SLC2A13: variants seen among roughly 807,000 people sequenced by gnomAD.
SLC2A13 encodes solute carrier family 2 member 13.
Under a neutral mutation model 64.4 loss-of-function variants are expected in SLC2A13, and 32 were observed. The observed-to-expected ratio is 0.50, with a 90% CI of 0.37 to 0.67. The LOEUF is 0.67. Ranked by LOEUF, SLC2A13 falls within the 30% of genes least tolerant of loss-of-function variation. The probability of loss-of-function intolerance (pLI) is 0.00; values close to 1 mark genes in which losing one functional copy is unlikely to be tolerated. For missense variants in SLC2A13, 743 were observed against 829.2 expected (o/e 0.90, Z 1.28); for synonymous variants, 338 against 327.1 (o/e 1.03, Z -0.36).
intron 1 of SLC2A13, among the ~76,000 whole-genome samples, chr12:40,058,462 G>GT (rs1028948844): frequency 1.3e-5 from 2 of 151,992 alleles, no homozygotes; most frequent in Admixed American, 1.3e-4. Flanking sequence ...CAAAAAGTCT[G>GT]TTTTTTGGAG....
At position 39,927,861 on chromosome 12, in the gene SLC2A13, G is replaced by A. The variant is rs551064188; in HGVS notation, c.1034+23396C>T. Reference sequence around the variant, plus strand: ...ATATCAACACTTATTGAGCTCCTGTGGAAGGAAAGCATTTAAGATAAATGG... The same window carrying A: ...ATATCAACACTTATTGAGCTCCTGTAGAAGGAAAGCATTTAAGATAAATGG... On this transcript the variant is annotated intron_variant, in intron 4 of 9. Coordinates refer to ENST00000280871, the MANE Select transcript of SLC2A13 (RefSeq NM_052885.4). Among the ~76,000 whole-genome samples, 4 of 152,146 alleles carry A rather than the reference G, an allele frequency of 2.6e-5. No homozygotes were observed. In the East Asian group the frequency reaches 7.7e-4, roughly 29 times the overall value.
intron 7 of SLC2A13, among the ~76,000 whole-genome samples, chr12:39,777,264 T>C (rs1940810415): frequency 6.6e-6 from 1 of 152,160 alleles, no homozygotes; most frequent in African/African-American, 2.4e-5. Context: ...GGCAGGGAAA[T>C]AGTCAATTGA....
At chr12:39,883,521 G>C (rs560560801) in intron 4 of SLC2A13, among the ~76,000 whole-genome samples, 17 of 152,258 alleles carry the variant, frequency 1.1e-4, no homozygotes, top group Non-Finnish European at 1.2e-4. Context: ...ACGGAAAAAG[G>C]TGACAGTTTA....
chr12:40,103,214 C>T (rs1183782878), intron 1 of SLC2A13, among the ~76,000 whole-genome samples: 3 of 152,326 alleles, frequency 2.0e-5, no homozygotes, highest in East Asian at 1.9e-4. Context: ...TTGCTGCTTC[C>T]ACCTATTCCC....
At chr12:39,852,305 G>C (rs66924731) in intron 6 of SLC2A13, among the ~76,000 whole-genome samples, 12,677 of 152,196 alleles carry the variant, frequency 0.083, 1,170 homozygotes, top group African/African-American at 0.24. Context: ...TGGGCCTAAA[G>C]TTGTCTAAAC....
At chr12:40,015,851 G>A (rs767011972) in intron 3 of SLC2A13, among the ~76,000 whole-genome samples, 22 of 152,140 alleles carry the variant, frequency 1.4e-4, no homozygotes, top group Admixed American at 1.2e-3. Flanking sequence ...CTCTAAAAGA[G>A]TATAATATAA....
chr12:39,981,540 A>G lies in SLC2A13; in HGVS notation c.926-30175T>C, dbSNP rs1429606188. Among the ~76,000 whole-genome samples the G allele has an allele frequency of 9.4e-5, 14 of 148,976 alleles. No individual in the cohort carries two copies. In the South Asian group the frequency reaches 1.5e-3, roughly 16 times the overall value. On this transcript the variant is annotated intron_variant, in intron 3 of 9. Transcript: ENST00000280871. ...ATACAAACTACCATCAGAGAATACT[A>G]CAAACACCTCTACGCAAATAAACTA... is the stretch of plus-strand genomic sequence containing the variant.
chr12:39,962,370 C>T (rs796189538), intron 3 of SLC2A13, among the ~76,000 whole-genome samples: 4 of 152,322 alleles, frequency 2.6e-5, no homozygotes, highest in African/African-American at 7.2e-5. Context: ...GGATTACAGG[C>T]GTGAGCCACC....
chr12:39,879,395 T>C (rs1944285891), intron 4 of SLC2A13, among the ~76,000 whole-genome samples: 1 of 152,192 alleles, frequency 6.6e-6, no homozygotes, highest in Non-Finnish European at 1.5e-5. Flanking sequence ...GGCATTCAAC[T>C]TCAACTCATG....
intron 3 of SLC2A13, among the ~76,000 whole-genome samples, chr12:39,974,448 C>G (rs1454365991): frequency 1.3e-5 from 2 of 152,162 alleles, no homozygotes; most frequent in Non-Finnish European, 2.9e-5. Context: ...TGACGCAAAC[C>G]AAGATGATGC....
At chr12:40,046,987 C>T (rs140117866) in intron 2 of SLC2A13, among the ~76,000 whole-genome samples, 2,173 of 151,902 alleles carry the variant, frequency 0.014, 29 homozygotes, top group Middle Eastern at 0.088. Flanking sequence ...CTGCAACCTC[C>T]GCCTTCAGGG....
chr12:40,099,048 C>A (rs749498411), intron 1 of SLC2A13, among the ~76,000 whole-genome samples: 5 of 152,218 alleles, frequency 3.3e-5, no homozygotes, highest in Admixed American at 1.3e-4. Flanking sequence ...ATGCTGCAGA[C>A]CGCACCATTT....
intron 7 of SLC2A13, among the ~76,000 whole-genome samples, chr12:39,804,931 A>C (rs78228029): frequency 0.15 from 22,118 of 149,372 alleles, 1,793 homozygotes; most frequent in South Asian, 0.3. Context: ...GCAGAGAAAG[A>C]AAACACTCTG....
intron 5 of SLC2A13, among the ~76,000 whole-genome samples, chr12:39,866,171 CA>C (rs1195942213): frequency 6.6e-6 from 1 of 152,008 alleles, no homozygotes; most frequent in Non-Finnish European, 1.5e-5. Context: ...AAATTATGAA[CA>C]AAAATATTCA....
intron 3 of SLC2A13, among the ~76,000 whole-genome samples, chr12:39,959,620 A>G (rs1946374868): frequency 1.3e-5 from 2 of 152,194 alleles, no homozygotes; most frequent in African/African-American, 4.8e-5. Flanking sequence ...TTCTTTGTCA[A>G]AAGTATCTAC....
At chr12:40,034,194 C>T in intron 2 of SLC2A13, among the ~76,000 whole-genome samples, 1 of 152,126 alleles carries the variant, frequency 6.6e-6, no homozygotes, top group East Asian at 1.9e-4. Context: ...CTGAATTCTA[C>T]TAAGAGAAGA....
intron 3 of SLC2A13, among the ~76,000 whole-genome samples, chr12:40,008,877 A>C (rs1455966631): frequency 6.6e-6 from 1 of 152,234 alleles, no homozygotes; most frequent in East Asian, 1.9e-4. Flanking sequence ...ATATACAAGG[A>C]TGTTCATTAC....
chr12:39,964,008 T>A (rs1354575693), intron 3 of SLC2A13, among the ~76,000 whole-genome samples: 1 of 152,134 alleles, frequency 6.6e-6, no homozygotes, highest in Non-Finnish European at 1.5e-5. Flanking sequence ...TCCCCCAGAT[T>A]CCGGAAGTAT....
intron 4 of SLC2A13, among the ~76,000 whole-genome samples, chr12:39,879,652 C>A (rs1264957390): frequency 6.6e-6 from 1 of 152,132 alleles, no homozygotes; most frequent in African/African-American, 2.4e-5. Flanking sequence ...TTACCCAATG[C>A]CTATACCCCC....
Sources: allele counts gnomAD v4.1 joint callset (sites outside exome capture counted in the v4.1 genomes callset), GRCh38; gene constraint gnomAD v4.1.1; transcripts MANE v1.5; gene names NCBI Gene and HGNC (gene_info 2026-07-23, HGNC 2026-07-21).